The following HIP1 variants were observed in gnomAD, a reference collection of about 807,000 sequenced individuals.
HIP1 encodes huntingtin interacting protein 1.
Under a neutral mutation model 147.6 loss-of-function variants are expected in HIP1, and 65 were observed. The ratio of observed to expected loss-of-function variants is 0.44; its 90% CI spans 0.36 to 0.54. The LOEUF is 0.54. HIP1 is among the 20% of genes least tolerant of loss of function. HIP1 has a pLI of 0.00. For synonymous variants in HIP1, 479 were observed against 504.0 expected, an observed-to-expected ratio of 0.95 and a Z score of 0.67; for missense variants, 1,061 against 1,299.6, an observed-to-expected ratio of 0.82 and a Z score of 2.82.
intron 1 of HIP1, among the ~76,000 whole-genome samples, chr7:75,627,201 C>T (rs1798074979): frequency 6.6e-6 from 1 of 152,126 alleles, no homozygotes; most frequent in African/African-American, 2.4e-5. Context: ...GTGTGTACTT[C>T]AATGAAGCAA....
At chr7:75,618,837 C>G (rs1797750601) in intron 1 of HIP1, among the ~76,000 whole-genome samples, 1 of 151,988 alleles carries the variant, frequency 6.6e-6, no homozygotes, top group African/African-American at 2.4e-5. Context: ...TGATGCCTCT[C>G]CCTTGAGCAC....
At chr7:75,564,768 G>C (rs794359) in intron 9 of HIP1, among the ~76,000 whole-genome samples, 1 of 151,518 alleles carries the variant, frequency 6.6e-6, no homozygotes, top group Non-Finnish European at 1.5e-5. Context: ...CTAATTTTTT[G>C]TGTGTTTTTG....
Position 75,589,683 on chromosome 7 carries a change from CAAAAAAAAAA to C in HIP1, c.384+2363_384+2372del, listed in dbSNP as rs1159535613. On this transcript the variant is annotated intron_variant, in intron 4 of 30. Coordinates refer to ENST00000336926, the MANE Select transcript of HIP1 (RefSeq NM_005338.7). Reference sequence around the variant, plus strand: ...AGGCAACAGAGCAAGACTCTGTCTCCAAAAAAAAAAAAAAAAAAAAAAAAAAAAAAAAGAC... The same window carrying C: ...AGGCAACAGAGCAAGACTCTGTCTCCAAAAAAAAAAAAAAAAAAAAAAGAC... Among the ~76,000 whole-genome samples the C allele has an allele frequency of 1.6e-3, 80 of 49,638 alleles. 3 individuals carry two copies. The highest frequency in any genetic ancestry group is 6.3e-3 in the African/African-American group (72 of 11,460). 32.6% of individuals were successfully genotyped at this position (49,638 alleles called of 152,430 possible).
At chr7:75,671,443 T>C (rs1355247322) in intron 1 of HIP1, among the ~76,000 whole-genome samples, 2 of 152,270 alleles carry the variant, frequency 1.3e-5, no homozygotes, top group African/African-American at 2.4e-5. Context: ...ATATAACACA[T>C]TTTGCTTATT....
intron 1 of HIP1, among the ~76,000 whole-genome samples, chr7:75,699,144 C>T (rs541807119): frequency 6.6e-6 from 1 of 152,058 alleles, no homozygotes; most frequent in South Asian, 2.1e-4. Context: ...TGGGGTCTCT[C>T]TATATTGCCC....
intron 13 of HIP1, 100 bp from the exon 14 acceptor site, chr7:75,560,015 G>A (rs1795168626): frequency 8.3e-7 from 1 of 1,201,958 alleles, no homozygotes; most frequent in Admixed American, 2.8e-5. Context: ...GTAAATACCT[G>A]ATTCCCCTAA....
chr7:75,586,685 C>G (rs1796298022), intron 5 of HIP1, 68 bp downstream of exon 5: 1 of 959,166 alleles, frequency 1.0e-6, no homozygotes. Context: ...CAAATGAGCC[C>G]AGGGAGGGGC....
intron 5 of HIP1, among the ~76,000 whole-genome samples, chr7:75,583,119 C>T (rs1033310840): frequency 6.6e-6 from 1 of 152,144 alleles, no homozygotes; most frequent in South Asian, 2.1e-4. Flanking sequence ...CCACTACTCA[C>T]GCTTCTGTCT....
Position 75,537,833 on chromosome 7 carries a change from G to T in HIP1, c.*339C>A. 2.9e-6 allele frequency: 1 copy of T among 339,002 alleles called. No homozygotes were observed. Among genetic ancestry groups the T allele is most frequent in the Non-Finnish European group, 5.5e-6 (1 of 183,128 alleles). 21.0% of individuals were successfully genotyped at this position (339,002 alleles called of 1,614,324 possible). Reference sequence around the variant, plus strand: ...CTATTAAGGATACCCATTGTTGTGGGGGTCAAATAGTCAGCAGGACTGGAT... The same window carrying T: ...CTATTAAGGATACCCATTGTTGTGGTGGTCAAATAGTCAGCAGGACTGGAT... On this transcript the variant is annotated 3_prime_UTR_variant, in exon 31 of 31. Transcript: ENST00000336926.
Position 75,568,052 on chromosome 7 carries a change from G to C in HIP1, c.803+147C>G, listed in dbSNP as rs1165075038. 7.6e-6 allele frequency: 5 copies of C among 660,536 alleles called. No homozygotes were observed. The East Asian group carries it at 1.4e-4, about 18-fold the overall frequency. 40.9% of individuals were successfully genotyped at this position (660,536 alleles called of 1,614,324 possible). ...CCTGGTGTCAAACTCTTGGCCTCAA[G>C]TGATCCTCCCGCCTCAGCCTCCCAA... On this transcript the variant is annotated intron_variant, in intron 9 of 30. Coordinates refer to ENST00000336926, the MANE Select transcript of HIP1 (RefSeq NM_005338.7). The surrounding 1 kb of genome is among the most constrained non-coding windows in gnomAD (Gnocchi z 4.1).
intron 13 of HIP1, 75 bp downstream of exon 13, chr7:75,561,254 A>T: frequency 9.5e-7 from 1 of 1,049,140 alleles, no homozygotes; most frequent in Non-Finnish European, 1.5e-6. Context: ...GTGCCTGGCT[A>T]GTGTGATGCA....
intron 1 of HIP1, among the ~76,000 whole-genome samples, chr7:75,736,268 G>A (rs1039269850): frequency 5.3e-5 from 8 of 151,308 alleles, no homozygotes; most frequent in Non-Finnish European, 1.2e-4. Context: ...TACCACTCAC[G>A]GGTGGAAACT....
intron 1 of HIP1, among the ~76,000 whole-genome samples, chr7:75,603,572 C>G (rs186914213): frequency 6.6e-6 from 1 of 152,022 alleles, no homozygotes. Flanking sequence ...TGAGCACAGT[C>G]GTTGGCTCTG....
At chr7:75,710,097 C>T (rs1801126072) in intron 1 of HIP1, among the ~76,000 whole-genome samples, 1 of 151,882 alleles carries the variant, frequency 6.6e-6, no homozygotes, top group East Asian at 1.9e-4. Flanking sequence ...GGGGTTTTGC[C>T]ATGTTGCCCA....
intron 1 of HIP1, among the ~76,000 whole-genome samples, chr7:75,618,211 G>A (rs2117083015): frequency 6.6e-6 from 1 of 150,562 alleles, no homozygotes; most frequent in Non-Finnish European, 1.5e-5. Context: ...GCAGTAGTGT[G>A]ATCTCGGCTC....
chr7:75,553,783 T>C (rs1171970358), intron 21 of HIP1, among the ~76,000 whole-genome samples, 194 bp from the exon 22 acceptor site: 2 of 152,178 alleles, frequency 1.3e-5, no homozygotes, highest in African/African-American at 4.8e-5. Context: ...TTTGTATTTT[T>C]AGTAGAGACG....
rs149072745 is a variant in HIP1, at chr7:75,581,175, G to C, written c.604+62C>G. The C allele has an allele frequency of 7.7e-5, 97 of 1,257,076 alleles. No individual in the cohort carries two copies. The African/African-American group carries it at 1.2e-3, about 15-fold the overall frequency. The allele number at this position is 1,257,076 out of a possible 1,614,324, so 77.9% of individuals were successfully genotyped here. On this transcript the variant is annotated intron_variant, in intron 7 of 30. Transcript: ENST00000336926. ...TGTGCTGCACACTTTGCAGGGAGAG[G>C]AGGACTAGGAATTAGGTAGTTCCCA...
At chr7:75,554,678 T>C in intron 19 of HIP1, 152 bp from the exon 20 acceptor site, 2 of 604,624 alleles carry the variant, frequency 3.3e-6, no homozygotes, top group Non-Finnish European at 3.0e-6. Context: ...ATTCAGACCA[T>C]AGTTTTTTCC....
At chr7:75,587,084 G>A (rs1209507064) in intron 4 of HIP1, among the ~76,000 whole-genome samples, 2 of 152,132 alleles carry the variant, frequency 1.3e-5, no homozygotes, top group African/African-American at 4.8e-5. Flanking sequence ...GGGATTACAG[G>A]CACGCACCAC....
Sources: gnomAD v4.1 joint callset for allele counts (sites outside exome capture counted in the v4.1 genomes callset) on GRCh38, gnomAD v4.1.1 for gene constraint, Gnocchi (gnomAD v3.1) non-coding constraint, MANE v1.5 for transcripts, NCBI Gene and HGNC (gene_info 2026-07-23, HGNC 2026-07-21) for gene names.